Variants in CTIF observed in about 807,000 individuals in gnomAD.
CTIF encodes the protein CBP80/20-dependent translation initiation factor.
CTIF carries 21 observed loss-of-function variants against 66.0 expected under a neutral mutation model. That is an observed-to-expected ratio of 0.32 (90% CI 0.23 to 0.46). The LOEUF (loss-of-function observed/expected upper bound fraction) is 0.46, where lower values mean the gene tolerates loss of function less well. Ranked by LOEUF, CTIF falls within the 20% of genes least tolerant of loss-of-function variation. CTIF has a pLI of 1.00. For synonymous variants in CTIF, 345 were observed against 326.4 expected (o/e 1.06, Z -0.62); for missense variants, 739 against 812.7 (o/e 0.91, Z 1.10).
intron 9 of CTIF, among the ~76,000 whole-genome samples, chr18:48,784,678 G>A (rs1911547742): frequency 6.6e-6 from 1 of 152,166 alleles, no homozygotes; most frequent in Non-Finnish European, 1.5e-5. Context: ...CAGGAGAGGT[G>A]TGGGCAGCCT....
chr18:48,637,205 G>A (rs2090839444), intron 3 of CTIF, among the ~76,000 whole-genome samples: 1 of 152,176 alleles, frequency 6.6e-6, no homozygotes, highest in African/African-American at 2.4e-5. Flanking sequence ...ACAGTCCTGG[G>A]ACCCCGCCAG....
At chr18:48,795,160 A>G (rs1452293169) in intron 9 of CTIF, among the ~76,000 whole-genome samples, 1 of 152,108 alleles carries the variant, frequency 6.6e-6, no homozygotes, top group Non-Finnish European at 1.5e-5. Flanking sequence ...TGGCAAGCTT[A>G]CCTTTTACTT....
chr18:48,651,701 A>G (rs528428496), intron 3 of CTIF, among the ~76,000 whole-genome samples: 4 of 152,216 alleles, frequency 2.6e-5, no homozygotes. Context: ...TCCAAAATTG[A>G]CCACTTAGTT....
intron 5 of CTIF, 89 bp downstream of exon 5, chr18:48,664,640 CA>C: frequency 9.2e-7 from 1 of 1,091,766 alleles, no homozygotes; most frequent in Non-Finnish European, 1.4e-6. Flanking sequence ...CTCTGCTGCA[CA>C]GGGGACTCAG....
At chr18:48,785,431 C>A (rs1466049516) in intron 9 of CTIF, among the ~76,000 whole-genome samples, 4 of 152,250 alleles carry the variant, frequency 2.6e-5, no homozygotes, top group Admixed American at 6.5e-5. Context: ...GCTGGAGGAA[C>A]TCCTCACATC....
At chr18:48,852,204 GC>G (rs2069218092) in intron 10 of CTIF, among the ~76,000 whole-genome samples, 1 of 136,148 alleles carries the variant, frequency 7.3e-6, no homozygotes, top group African/African-American at 2.7e-5. Flanking sequence ...ACTGCACTCT[GC>G]CCTGGGGGAC....
intron 1 of CTIF, among the ~76,000 whole-genome samples, chr18:48,559,456 G>A (rs576341775): frequency 6.6e-6 from 1 of 152,292 alleles, no homozygotes; most frequent in East Asian, 1.9e-4. Context: ...TAAGAGCCTA[G>A]TTTTAGGTAT....
chr18:48,730,068 T>G (rs1372136001), intron 7 of CTIF, among the ~76,000 whole-genome samples: 6 of 152,146 alleles, frequency 3.9e-5, no homozygotes, highest in Non-Finnish European at 5.9e-5. Flanking sequence ...CACCACGAGC[T>G]GCCTGTGGTG....
At chr18:48,662,426 C>G (rs1028127004) in intron 3 of CTIF, 9 of 151,948 alleles carry the variant, frequency 5.9e-5, no homozygotes, top group African/African-American at 2.2e-4. Context: ...TCAATGAGAC[C>G]CAGGAAGGCT....
intron 3 of CTIF, among the ~76,000 whole-genome samples, chr18:48,637,743 C>T (rs1055274634): frequency 1.3e-5 from 2 of 152,104 alleles, no homozygotes; most frequent in Admixed American, 6.5e-5. Flanking sequence ...GGTTCTTTCA[C>T]GTGACAAAAT....
chr18:48,860,980 C>A lies in CTIF; in HGVS notation c.*1421C>A, dbSNP rs897964904. The A allele has an allele frequency of 2.6e-5, 4 of 152,142 alleles. No individual in the cohort carries two copies. Among genetic ancestry groups the A allele is most frequent in the African/African-American group, 9.7e-5 (4 of 41,390 alleles). The allele number at this position is 152,142 out of a possible 1,614,324, so 9.4% of individuals were successfully genotyped here. ...GGCTGGAGCACACACTTTGATGAGC[C>A]CCCCCGGAAATGATGTCAGAGCCTA... is the stretch of plus-strand genomic sequence containing the variant. On this transcript the variant is annotated 3_prime_UTR_variant, in exon 12 of 12. Transcript: ENST00000256413.
At chr18:48,722,797 C>T (rs976623972) in intron 7 of CTIF, among the ~76,000 whole-genome samples, 10 of 152,256 alleles carry the variant, frequency 6.6e-5, no homozygotes, top group Non-Finnish European at 1.2e-4. Flanking sequence ...TGTAAGCACC[C>T]GGCCATACCC....
chr18:48,800,407 C>T (rs945387819), intron 9 of CTIF, among the ~76,000 whole-genome samples: 2 of 152,190 alleles, frequency 1.3e-5, no homozygotes, highest in African/African-American at 2.4e-5. Flanking sequence ...TAGGGCCAGC[C>T]GGAACATCTG....
At chr18:48,701,242 G>A (rs763518216) in intron 6 of CTIF, among the ~76,000 whole-genome samples, 83 of 152,156 alleles carry the variant, frequency 5.5e-4, no homozygotes, top group Admixed American at 3.1e-3. Context: ...TTTCTTGGGC[G>A]TCTTTCTGCC....
chr18:48,816,173 C>G (rs933348049), intron 9 of CTIF, among the ~76,000 whole-genome samples: 4 of 152,032 alleles, frequency 2.6e-5, no homozygotes, highest in Non-Finnish European at 5.9e-5. Context: ...TCAGGCTAGC[C>G]CAGAGAGAGT....
intron 7 of CTIF, among the ~76,000 whole-genome samples, chr18:48,724,773 T>C (rs1317663961): frequency 1.3e-5 from 2 of 152,168 alleles, no homozygotes; most frequent in Non-Finnish European, 2.9e-5. Context: ...CATTCATTCA[T>C]GTCTGGAGGG....
chr18:48,547,607 C>G (rs2088782367), intron 1 of CTIF, among the ~76,000 whole-genome samples: 1 of 152,198 alleles, frequency 6.6e-6, no homozygotes, highest in Admixed American at 6.5e-5. Context: ...GTACTGAGCT[C>G]TGGCCACCCT....
At chr18:48,679,848 G>A (rs897609740) in intron 6 of CTIF, among the ~76,000 whole-genome samples, 2 of 152,192 alleles carry the variant, frequency 1.3e-5, no homozygotes, top group Non-Finnish European at 2.9e-5. Context: ...ACCTGGAACT[G>A]GGCCTTGGGG....
At chr18:48,639,575 G>A (rs776313599) in intron 3 of CTIF, among the ~76,000 whole-genome samples, 6 of 152,198 alleles carry the variant, frequency 3.9e-5, no homozygotes, top group African/African-American at 9.7e-5. Context: ...GAATTTACAC[G>A]AGGTCTCCTG....
Sources: allele counts gnomAD v4.1 joint callset (sites outside exome capture counted in the v4.1 genomes callset), GRCh38; gene constraint gnomAD v4.1.1; transcripts MANE v1.5; gene names NCBI Gene and HGNC (gene_info 2026-07-23, HGNC 2026-07-21).